CNTN4: variants seen among roughly 807,000 people sequenced by gnomAD.
CNTN4 encodes contactin-4.
CNTN4 carries 77 observed loss-of-function variants against 122.5 expected under a neutral mutation model. The ratio of observed to expected loss-of-function variants is 0.63; its 90% CI spans 0.52 to 0.76. The LOEUF (loss-of-function observed/expected upper bound fraction) is 0.76. Ranked by LOEUF, CNTN4 falls within the 30% of genes least tolerant of loss-of-function variation. The pLI is 0.00. For missense variants in CNTN4, 1,256 were observed against 1,259.1 expected (o/e 1.00, Z 0.04); for synonymous variants, 512 against 447.0 (o/e 1.15, Z -1.83).
chr3:2,396,120 G>A (rs1250977544), intron 3 of CNTN4, among the ~76,000 whole-genome samples: 1 of 151,746 alleles, frequency 6.6e-6, no homozygotes, highest in African/African-American at 2.4e-5. Context: ...GACTTCCCGA[G>A]CTCAGGTGCT....
At chr3:2,888,479 G>A (rs1259066181) in intron 10 of CNTN4, among the ~76,000 whole-genome samples, 1 of 151,974 alleles carries the variant, frequency 6.6e-6, no homozygotes, top group African/African-American at 2.4e-5. Flanking sequence ...GCCGTGAGGG[G>A]TTTCATGTCC....
chr3:2,526,086 G>A (rs2077388005), intron 3 of CNTN4, among the ~76,000 whole-genome samples: 1 of 152,078 alleles, frequency 6.6e-6, no homozygotes, highest in South Asian at 2.1e-4. Flanking sequence ...CATTTAGTGA[G>A]TTTCTATTTA....
chr3:2,573,693 G>A (rs1027662040), intron 4 of CNTN4, among the ~76,000 whole-genome samples: 1 of 152,150 alleles, frequency 6.6e-6, no homozygotes, highest in Non-Finnish European at 1.5e-5. Flanking sequence ...CACCTAAGGT[G>A]TGTGTGTAAC....
chr3:2,847,083 C>A (rs528151417), intron 7 of CNTN4, among the ~76,000 whole-genome samples: 2 of 151,930 alleles, frequency 1.3e-5, no homozygotes, highest in Admixed American at 1.3e-4. Context: ...TTGTTGACCA[C>A]AGTTCCCTGG....
At chr3:2,806,546 G>A (rs78992974) in intron 6 of CNTN4, among the ~76,000 whole-genome samples, 1,569 of 152,296 alleles carry the variant, frequency 0.01, 37 homozygotes, top group African/African-American at 0.036. Flanking sequence ...TTTGTTCATT[G>A]TCTTCTCTTA....
intron 7 of CNTN4, among the ~76,000 whole-genome samples, chr3:2,838,213 G>A (rs746206954): frequency 3.9e-5 from 6 of 152,102 alleles, no homozygotes; most frequent in South Asian, 2.1e-4. Context: ...GCTTTCGTGC[G>A]GCTATACTGA....
chr3:3,039,218 G>A, intron 19 of CNTN4: 2 of 534,876 alleles, frequency 3.7e-6, no homozygotes, highest in South Asian at 2.4e-5. Context: ...ATCCATCACA[G>A]TAAAAACAAT....
intron 3 of CNTN4, among the ~76,000 whole-genome samples, chr3:2,523,371 A>C (rs962544970): frequency 3.3e-4 from 49 of 150,438 alleles, no homozygotes; most frequent in East Asian, 3.9e-4. Flanking sequence ...AAAAAAAAAA[A>C]ACAAAACTTT....
chr3:2,627,532 C>G (rs569113521), intron 4 of CNTN4, among the ~76,000 whole-genome samples: 1 of 134,304 alleles, frequency 7.4e-6, no homozygotes, highest in East Asian at 2.2e-4. Context: ...CTCACTCTGT[C>G]GCCCAGGCTG....
chr3:2,653,218 C>A (rs1275767796), intron 4 of CNTN4, among the ~76,000 whole-genome samples: 3 of 151,938 alleles, frequency 2.0e-5, no homozygotes, highest in Non-Finnish European at 4.4e-5. Context: ...AAAGCAAGGA[C>A]TTTTTTTATT....
chr3:2,982,779 C>T (rs1694150318), intron 13 of CNTN4, among the ~76,000 whole-genome samples: 2 of 152,104 alleles, frequency 1.3e-5, no homozygotes, highest in African/African-American at 4.8e-5. Context: ...AACAGTAATG[C>T]TCATTTTACT....
At position 2,817,065 on chromosome 3, in the gene CNTN4, A is replaced by G. The variant is rs577267739; in HGVS notation, c.359-2421A>G. Among the ~76,000 whole-genome samples the G allele has an allele frequency of 1.9e-4, 29 of 152,298 alleles. No individual in the cohort carries two copies. The South Asian group carries it at 5.8e-3, about 30-fold the overall frequency. ...TAGATATTCATACCTGAAAAGAACA[A>G]TTTGAGGCATGTAATCTTTCCCTAA... On this transcript the variant is annotated intron_variant, in intron 6 of 24. Coordinates refer to ENST00000418658, the MANE Select transcript of CNTN4 (RefSeq NM_175607.3).
At chr3:2,627,558 A>G (rs989373121) in intron 4 of CNTN4, among the ~76,000 whole-genome samples, 2 of 149,080 alleles carry the variant, frequency 1.3e-5, no homozygotes. Flanking sequence ...TAGTAGCGCA[A>G]TCTCGGCTCA....
At chr3:2,735,930 TACATAGA>T in intron 4 of CNTN4, 1 of 548,662 alleles carries the variant, frequency 1.8e-6, no homozygotes, top group Non-Finnish European at 3.6e-6. Context: ...AGCAGAACAA[TACATAGA>T]AGAGAGAAAG....
chr3:2,657,291 T>C (rs1408432084), intron 4 of CNTN4, among the ~76,000 whole-genome samples: 2 of 152,234 alleles, frequency 1.3e-5, no homozygotes, highest in Non-Finnish European at 2.9e-5. Context: ...TAATACAGAC[T>C]GTTTGATAAG....
intron 13 of CNTN4, among the ~76,000 whole-genome samples, chr3:2,969,617 A>G (rs993867010): frequency 3.9e-5 from 6 of 152,118 alleles, no homozygotes; most frequent in African/African-American, 1.2e-4. Flanking sequence ...GATCAGAGTG[A>G]CGTTGCTTCT....
At chr3:2,607,610 C>CCACACACACACACACACACACACACA (rs61707029) in intron 4 of CNTN4, among the ~76,000 whole-genome samples, 3,212 of 145,398 alleles carry the variant, frequency 0.022, 96 homozygotes, top group African/African-American at 0.054. Flanking sequence ...ACATATGCAT[C>CCACACACACACACACACACACACACA]CACACACACA....
intron 2 of CNTN4, among the ~76,000 whole-genome samples, chr3:2,296,679 T>G (rs1004232881): frequency 7.9e-5 from 12 of 151,974 alleles, no homozygotes; most frequent in African/African-American, 2.9e-4. Flanking sequence ...ACTTTGATAT[T>G]GTATAGAACA....
intron 14 of CNTN4, among the ~76,000 whole-genome samples, chr3:3,022,215 A>G (rs1317964849): frequency 2.0e-5 from 3 of 152,066 alleles, no homozygotes; most frequent in Non-Finnish European, 4.4e-5. Flanking sequence ...CTGCACTCCA[A>G]CCTCAGGGAC....
Sources: gnomAD v4.1 joint callset for allele counts (sites outside exome capture counted in the v4.1 genomes callset) on GRCh38, gnomAD v4.1.1 for gene constraint, MANE v1.5 for transcripts, NCBI Gene and HGNC (gene_info 2026-07-23, HGNC 2026-07-21) for gene names.